NHEJ1: variants seen among roughly 807,000 people sequenced by gnomAD.
NHEJ1 encodes the protein non-homologous end-joining factor 1.
A neutral mutation model predicts 39.4 loss-of-function variants in NHEJ1; 22 were observed. The observed-to-expected ratio is 0.56, with a 90% confidence interval of 0.40 to 0.80. The LOEUF (loss-of-function observed/expected upper bound fraction) is 0.80, where lower values mean the gene tolerates loss of function less well. NHEJ1 is among the 30% of genes least tolerant of loss of function. The probability of loss-of-function intolerance (pLI) is 0.00; values close to 1 mark genes in which losing one functional copy is unlikely to be tolerated. For missense variants in NHEJ1, 329 were observed against 357.1 expected (o/e 0.92, Z 0.63); for synonymous variants, 154 against 135.6 (o/e 1.14, Z -0.94).
At chr2:219,157,991 T>TCACACACA (rs58103413) in intron 2 of NHEJ1, among the ~76,000 whole-genome samples, 195 bp downstream of exon 2, 23 of 99,268 alleles carry the variant, frequency 2.3e-4, no homozygotes, top group African/African-American at 7.1e-4. Context: ...TCTCTCTCTC[T>TCACACACA]CACACACACA....
chr2:219,141,062 G>A (rs748062744), intron 5 of NHEJ1, among the ~76,000 whole-genome samples: 4 of 152,118 alleles, frequency 2.6e-5, no homozygotes, highest in Non-Finnish European at 5.9e-5. Flanking sequence ...CAAGTTAGGA[G>A]GCTGTTGCAT....
intron 5 of NHEJ1, among the ~76,000 whole-genome samples, chr2:219,080,632 T>G (rs1359563981): frequency 7.1e-6 from 1 of 140,554 alleles, no homozygotes; most frequent in African/African-American, 2.7e-5. Context: ...TATGCTAATA[T>G]ATATAAGCTT....
rs557751559 is a variant in NHEJ1 at position 219,073,842 on chromosome 2, A to G, written c.*2539T>C. On this transcript the variant is annotated 3_prime_UTR_variant, in exon 8 of 8. Coordinates refer to ENST00000356853, the MANE Select transcript of NHEJ1 (RefSeq NM_024782.3). Reference sequence around the variant, plus strand: ...GGAAAACTAATATTTACGGAATAAAATTTATGGAGCAGCCACGAGAATTCG... The same window carrying G: ...GGAAAACTAATATTTACGGAATAAAGTTTATGGAGCAGCCACGAGAATTCG... Among the ~76,000 whole-genome samples the G allele has an allele frequency of 6.6e-6, 1 of 152,324 alleles. No homozygotes were observed. The highest frequency in any genetic ancestry group is 2.1e-4 in the South Asian group (1 of 4,834).
At chr2:219,154,245 A>G (rs180955942) in intron 3 of NHEJ1, among the ~76,000 whole-genome samples, 1 of 152,348 alleles carries the variant, frequency 6.6e-6, no homozygotes, top group Admixed American at 6.5e-5. Context: ...CAGTGCGTAC[A>G]GCATGATACT....
At chr2:219,152,884 C>A (rs915370827) in intron 3 of NHEJ1, among the ~76,000 whole-genome samples, 1 of 151,770 alleles carries the variant, frequency 6.6e-6, no homozygotes, top group African/African-American at 2.4e-5. Flanking sequence ...CTCACTGCAA[C>A]CTCCACCTCC....
chr2:219,076,273 C>A lies in NHEJ1; in HGVS notation c.*108G>T. The A allele has an allele frequency of 6.3e-7, 1 of 1,596,970 alleles. No individual in the cohort carries two copies. The highest frequency in any genetic ancestry group is 1.1e-5 in the South Asian group (1 of 88,732). ...GTTCTCTCGCCCTTACAGGAGGCCT[C>A]TGACTGTATCACTATTTTAGAAATA... On this transcript the variant is annotated 3_prime_UTR_variant, in exon 8 of 8. Coordinates refer to ENST00000356853, the MANE Select transcript of NHEJ1 (RefSeq NM_024782.3).
rs1395765157 is a variant in NHEJ1, at chr2:219,074,302, G to T, written c.*2079C>A. Among the ~76,000 whole-genome samples the T allele has an allele frequency of 2.6e-5, 4 of 152,186 alleles. No homozygotes were observed. Among genetic ancestry groups the T allele is most frequent in the Non-Finnish European group, 5.9e-5 (4 of 68,034 alleles). ...CACAGGCCTCTGGCCCCGCTGTGATGAAAAATGTCTTGAGTCTGTGCTGTT... is the reference window on the plus strand; with the variant it reads ...CACAGGCCTCTGGCCCCGCTGTGATTAAAAATGTCTTGAGTCTGTGCTGTT... On this transcript the variant is annotated 3_prime_UTR_variant, in exon 8 of 8. Transcript: ENST00000356853.
At chr2:219,097,885 A>T (rs1039388224) in intron 5 of NHEJ1, among the ~76,000 whole-genome samples, 4 of 152,200 alleles carry the variant, frequency 2.6e-5, no homozygotes. Context: ...ATGTGGGTAG[A>T]GAATAGAAGA....
intron 5 of NHEJ1, among the ~76,000 whole-genome samples, chr2:219,094,649 A>G (rs1949190090): frequency 6.6e-6 from 1 of 152,090 alleles, no homozygotes; most frequent in African/African-American, 2.4e-5. Flanking sequence ...AGCAGGAGAG[A>G]ATGCCCTGGT....
intron 5 of NHEJ1, among the ~76,000 whole-genome samples, chr2:219,129,895 G>A (rs1039277253): frequency 2.6e-5 from 4 of 152,000 alleles, no homozygotes; most frequent in Non-Finnish European, 5.9e-5. Context: ...TTACCAAGAT[G>A]CTGTTTTTAC....
intron 5 of NHEJ1, among the ~76,000 whole-genome samples, chr2:219,095,834 G>A (rs1483752021): frequency 1.3e-5 from 2 of 152,054 alleles, no homozygotes; most frequent in Admixed American, 6.5e-5. Flanking sequence ...AGCAATAAAT[G>A]TATCCATTTG....
intron 5 of NHEJ1, among the ~76,000 whole-genome samples, chr2:219,113,892 G>A (rs1949387591): frequency 6.6e-6 from 1 of 152,118 alleles, no homozygotes; most frequent in Non-Finnish European, 1.5e-5. Context: ...CTCATTCTCA[G>A]CAACAACGCT....
chr2:219,110,792 G>A (rs1405573117), intron 5 of NHEJ1, among the ~76,000 whole-genome samples: 1 of 152,124 alleles, frequency 6.6e-6, no homozygotes, highest in Non-Finnish European at 1.5e-5. Flanking sequence ...GTGGGGCACC[G>A]GTCTCAGATG....
chr2:219,095,277 G>A (rs1014080399), intron 5 of NHEJ1: 2 of 470,346 alleles, frequency 4.3e-6, no homozygotes, highest in African/African-American at 4.0e-5. Flanking sequence ...AGCTTACCAT[G>A]ATAAAAAGAG....
chr2:219,123,676 T>C (rs992347897), intron 5 of NHEJ1, among the ~76,000 whole-genome samples: 4 of 152,126 alleles, frequency 2.6e-5, no homozygotes, highest in Admixed American at 2.6e-4. Context: ...CAGACTACAT[T>C]TAAAACTAGA....
intron 5 of NHEJ1, chr2:219,095,159 C>A: frequency 2.5e-6 from 1 of 400,938 alleles, no homozygotes; most frequent in South Asian, 1.9e-5. Flanking sequence ...TAAGGAAACA[C>A]TTGGCTAAAT....
At chr2:219,085,823 T>G (rs575155612) in intron 5 of NHEJ1, among the ~76,000 whole-genome samples, 1 of 152,188 alleles carries the variant, frequency 6.6e-6, no homozygotes, top group South Asian at 2.1e-4. Context: ...CTGAATCACT[T>G]TCTTTGTGGC....
At chr2:219,110,607 T>G (rs1393291187) in intron 5 of NHEJ1, among the ~76,000 whole-genome samples, 17 of 113,282 alleles carry the variant, frequency 1.5e-4, no homozygotes, top group Admixed American at 2.3e-4. Flanking sequence ...AGACAGAAAG[T>G]GCTGGTGGGG....
chr2:219,124,955 T>A (rs2106347337), intron 5 of NHEJ1, among the ~76,000 whole-genome samples: 1 of 152,182 alleles, frequency 6.6e-6, no homozygotes, highest in East Asian at 1.9e-4. Flanking sequence ...CCCCTTCAGA[T>A]TCCAGTCCAG....
Sources: gnomAD v4.1 joint callset for allele counts (sites outside exome capture counted in the v4.1 genomes callset) on GRCh38, gnomAD v4.1.1 for gene constraint, MANE v1.5 for transcripts, NCBI Gene and HGNC (gene_info 2026-07-23, HGNC 2026-07-21) for gene names.